IMMP2L: variants seen among roughly 807,000 people sequenced by gnomAD.
IMMP2L encodes inner mitochondrial membrane peptidase subunit 2.
A neutral mutation model predicts 19.3 loss-of-function variants in IMMP2L; 18 were observed. The ratio of observed to expected loss-of-function variants is 0.93; its 90% CI spans 0.64 to 1.38. The LOEUF (loss-of-function observed/expected upper bound fraction) is 1.38. Ranked by LOEUF, IMMP2L falls within the 40% of genes most tolerant of loss-of-function variation. IMMP2L has a pLI of 0.00. For missense variants in IMMP2L, 233 were observed against 218.2 expected (o/e 1.07, Z -0.43); for synonymous variants, 76 against 73.0 (o/e 1.04, Z -0.21).
At chr7:110,928,381 A>G (rs1416688325) in intron 4 of IMMP2L, among the ~76,000 whole-genome samples, 2 of 149,732 alleles carry the variant, frequency 1.3e-5, no homozygotes, top group African/African-American at 4.9e-5. Context: ...ACACACACAC[A>G]CACACACACA....
chr7:110,915,257 GCA>G (rs972128336), intron 4 of IMMP2L, among the ~76,000 whole-genome samples: 1 of 152,014 alleles, frequency 6.6e-6, no homozygotes. Context: ...GTGCGTGCAC[GCA>G]CACACACACA....
intron 3 of IMMP2L, among the ~76,000 whole-genome samples, chr7:111,191,839 G>T (rs1808912430): frequency 6.6e-6 from 1 of 151,932 alleles, no homozygotes; most frequent in Non-Finnish European, 1.5e-5. Flanking sequence ...TCCATTGCTG[G>T]TTAAGGATAA....
At chr7:110,992,143 G>A (rs142419840) in intron 3 of IMMP2L, among the ~76,000 whole-genome samples, 2 of 152,120 alleles carry the variant, frequency 1.3e-5, no homozygotes, top group East Asian at 1.9e-4. Flanking sequence ...TTATAAGTCC[G>A]TTGAAGGTAT....
chr7:111,408,333 CTT>C (rs557741606), intron 3 of IMMP2L, among the ~76,000 whole-genome samples: 21 of 151,610 alleles, frequency 1.4e-4, no homozygotes, highest in Non-Finnish European at 2.8e-4. Context: ...CAGTGAGAGA[CTT>C]AATTACTGTA....
chr7:111,368,105 A>G (rs1829948645), intron 3 of IMMP2L, among the ~76,000 whole-genome samples: 1 of 151,892 alleles, frequency 6.6e-6, no homozygotes, highest in Non-Finnish European at 1.5e-5. Flanking sequence ...ATAAATATTG[A>G]ATATGCTTAT....
intron 5 of IMMP2L, among the ~76,000 whole-genome samples, chr7:110,676,662 A>G (rs1792319434): frequency 6.6e-6 from 1 of 152,252 alleles, no homozygotes; most frequent in African/African-American, 2.4e-5. Flanking sequence ...ACAGTTCTTC[A>G]GAAAACAGTA....
chr7:111,207,534 G>GTTTTTTTTTTTTTTTTTTTTTT (rs376864629), intron 3 of IMMP2L, among the ~76,000 whole-genome samples: 3 of 90,100 alleles, frequency 3.3e-5, no homozygotes, highest in Non-Finnish European at 6.1e-5. Flanking sequence ...TTTATTTTTG[G>GTTTTTTTTTTTTTTTTTTTTTT]TTTTTTTTTT....
intron 4 of IMMP2L, among the ~76,000 whole-genome samples, chr7:110,921,396 T>C (rs1814263829): frequency 1.3e-5 from 2 of 152,142 alleles, no homozygotes; most frequent in African/African-American, 2.4e-5. Flanking sequence ...GAGATGTTCA[T>C]CTGCTAGAAA....
intron 5 of IMMP2L, among the ~76,000 whole-genome samples, chr7:110,697,630 C>T (rs1162774065): frequency 2.0e-5 from 3 of 152,068 alleles, no homozygotes; most frequent in African/African-American, 7.2e-5. Context: ...TAGTGAGATC[C>T]TGTCTCTACA....
chr7:111,377,812 C>A (rs1830822922), intron 3 of IMMP2L, among the ~76,000 whole-genome samples: 6 of 151,938 alleles, frequency 3.9e-5, no homozygotes, highest in Admixed American at 3.9e-4. Flanking sequence ...GAACAATTTG[C>A]TGTTAATCCT....
chr7:110,811,971 T>C (rs1802071100), intron 5 of IMMP2L, among the ~76,000 whole-genome samples: 1 of 152,094 alleles, frequency 6.6e-6, no homozygotes, highest in Non-Finnish European at 1.5e-5. Flanking sequence ...ACTTTGCTGC[T>C]ACTTCTACCT....
intron 3 of IMMP2L, among the ~76,000 whole-genome samples, chr7:111,431,476 A>G (rs995743819): frequency 1.3e-5 from 2 of 151,894 alleles, no homozygotes; most frequent in African/African-American, 4.9e-5. Flanking sequence ...CACCCGCCCA[A>G]CATAGGCAGC....
intron 5 of IMMP2L, among the ~76,000 whole-genome samples, chr7:110,686,484 C>T (rs1262791713): frequency 1.3e-5 from 2 of 152,014 alleles, no homozygotes; most frequent in African/African-American, 2.4e-5. Context: ...CAGTGGCCAG[C>T]TGGACAATCC....
chr7:111,191,603 C>T (rs958913038), intron 3 of IMMP2L, among the ~76,000 whole-genome samples: 1 of 152,014 alleles, frequency 6.6e-6, no homozygotes, highest in African/African-American at 2.4e-5. Flanking sequence ...AGTATTCCTC[C>T]TGACAGGTCA....
intron 3 of IMMP2L, among the ~76,000 whole-genome samples, chr7:111,019,429 G>C (rs956765000): frequency 6.6e-6 from 1 of 152,150 alleles, no homozygotes; most frequent in East Asian, 1.9e-4. Flanking sequence ...GGAAACTGCA[G>C]TGGTTGAGAG....
At chr7:111,057,148 C>G (rs1036696351) in intron 3 of IMMP2L, among the ~76,000 whole-genome samples, 1 of 152,142 alleles carries the variant, frequency 6.6e-6, no homozygotes. Flanking sequence ...TTTTAAGATG[C>G]TCTCACGAAT....
intron 4 of IMMP2L, among the ~76,000 whole-genome samples, chr7:110,954,019 C>A (rs1818118088): frequency 6.6e-6 from 1 of 151,664 alleles, no homozygotes; most frequent in African/African-American, 2.4e-5. Flanking sequence ...GTGTTGTTTG[C>A]CTAATCTTTT....
At chr7:111,539,173 AAG>A (rs1848200329) in intron 1 of IMMP2L, among the ~76,000 whole-genome samples, 3 of 66,318 alleles carry the variant, frequency 4.5e-5, no homozygotes, top group African/African-American at 2.2e-4. Flanking sequence ...GGAAGGAAGG[AAG>A]GAAGGAAGGA....
intron 3 of IMMP2L, among the ~76,000 whole-genome samples, chr7:111,260,042 C>T (rs957219169): frequency 1.3e-5 from 2 of 152,036 alleles, no homozygotes; most frequent in Non-Finnish European, 2.9e-5. Flanking sequence ...TACTGAAGGA[C>T]CTGCCTAAGG....
Sources: allele counts gnomAD v4.1 joint callset (sites outside exome capture counted in the v4.1 genomes callset), GRCh38; gene constraint gnomAD v4.1.1; transcripts MANE v1.5; gene names NCBI Gene and HGNC (gene_info 2026-07-23, HGNC 2026-07-21).